PLA2G4F: variants seen among roughly 807,000 people sequenced by gnomAD.
The protein encoded by PLA2G4F is phospholipase A2 group IVF, also known as cytosolic phospholipase A2 zeta.
Under a neutral mutation model 103.1 loss-of-function variants are expected in PLA2G4F, and 105 were observed. That is an observed-to-expected ratio of 1.02 (90% confidence interval 0.87 to 1.20). The LOEUF is 1.20. Ranked by LOEUF, PLA2G4F falls within the 50% of genes most tolerant of loss-of-function variation. The pLI is 0.00. For missense variants in PLA2G4F, 1,155 were observed against 1,075.9 expected, an observed-to-expected ratio of 1.07 and a Z score of -1.03; for synonymous variants, 468 against 441.1, an observed-to-expected ratio of 1.06 and a Z score of -0.76.
chr15:42,148,939 G>A, intron 11 of PLA2G4F: 5 of 985,400 alleles, frequency 5.1e-6, no homozygotes, highest in Non-Finnish European at 6.0e-6. Flanking sequence ...TTGCCCCAAT[G>A]AACGATCTAG....
At chr15:42,146,346 G>C in intron 13 of PLA2G4F, 105 bp from the exon 14 acceptor site, 3 of 1,117,380 alleles carry the variant, frequency 2.7e-6, no homozygotes, top group South Asian at 1.3e-5. Flanking sequence ...CCACAAGAGA[G>C]GCTTTGGGTC....
intron 2 of PLA2G4F, among the ~76,000 whole-genome samples, chr15:42,155,309 C>G (rs891620257): frequency 6.6e-6 from 1 of 151,844 alleles, no homozygotes; most frequent in Non-Finnish European, 1.5e-5. Flanking sequence ...CTCACACACA[C>G]GTATACACAT....
intron 11 of PLA2G4F, 126 bp downstream of exon 11, chr15:42,149,587 G>T (rs558164259): frequency 6.8e-7 from 1 of 1,463,920 alleles, no homozygotes; most frequent in Non-Finnish European, 9.0e-7. Context: ...TCTGCCGATG[G>T]TGCCCACAGC....
At position 42,142,666 on chromosome 15, in the gene PLA2G4F, G is replaced by A. The variant is rs1460574093; in HGVS notation, c.2191C>T (p.Pro731Ser). Reference sequence around the variant, plus strand: ...TCCTCAGGGCCCACCTCGATGCTAGGGAAGGGGATTCCTCGGTCCAGGCAG... The same window carrying A: ...TCCTCAGGGCCCACCTCGATGCTAGAGAAGGGGATTCCTCGGTCCAGGCAG... ...KYCLDRGIPF[P>S]SIEVGPEDME... The change falls in exon 19 of 20, where the codon CCT becomes TCT. Residue 731 changes from proline to serine, a missense_variant. Physicochemically the swap from Pro to Ser is moderately conservative, Grantham distance 74. Around this residue, in one of 3 missense-constraint regions of PLA2G4F, gnomAD observed 782 missense variants for 692.9 expected, o/e 1.13. Transcript: ENST00000397272. 2 of 1,614,010 alleles carry A rather than the reference G, an allele frequency of 1.2e-6. No homozygotes were observed. Among genetic ancestry groups the A allele is most frequent in the African/African-American group, 2.7e-5 (2 of 74,904 alleles).
At chr15:42,149,185 A>G (rs1389208559) in intron 11 of PLA2G4F, 2 of 981,828 alleles carry the variant, frequency 2.0e-6, no homozygotes, top group Non-Finnish European at 2.4e-6. Context: ...CCTGTGTTGA[A>G]GCCCTAACCC....
At chr15:42,156,353 C>T (rs1314055420) in intron 1 of PLA2G4F, 86 bp downstream of exon 1, 1 of 1,111,026 alleles carries the variant, frequency 9.0e-7, no homozygotes, top group East Asian at 2.8e-5. Context: ...AAACCCAGGG[C>T]TGGGGCTGGT....
rs2048823711 is a variant in PLA2G4F at position 42,141,125 on chromosome 15, G to A, written c.*859C>T. On this transcript the variant is annotated 3_prime_UTR_variant, in exon 20 of 20. Coordinates refer to ENST00000397272, the MANE Select transcript of PLA2G4F (RefSeq NM_213600.4). The stretch of plus-strand genomic sequence containing the variant: ...TGGAGTAACCCACCTCCAGGAACTT[G>A]CACACCCTCCTGCCCCACATACAGG... 4.9e-6 allele frequency: 2 copies of A among 410,614 alleles called. No homozygotes were observed. Among genetic ancestry groups the A allele is most frequent in the Admixed American group, 2.5e-5 (1 of 39,822 alleles). 25.4% of individuals were successfully genotyped at this position (410,614 alleles called of 1,614,324 possible). A position where few individuals can be genotyped will look rare whatever the true frequency, so the allele number is the denominator to read the frequency against.
chr15:42,143,847 C>T (rs753446661), intron 18 of PLA2G4F, 131 bp downstream of exon 18: 55 of 1,224,106 alleles, frequency 4.5e-5, no homozygotes, highest in Non-Finnish European at 5.3e-5. Flanking sequence ...GAACCCAGGC[C>T]GTCCACAAAG....
At position 42,141,615 on chromosome 15, in the gene PLA2G4F, C is replaced by T. The variant is rs764023975; in HGVS notation, c.*369G>A. The stretch of plus-strand genomic sequence containing the variant: ...ACAGCTGGCTTCTCAGTGCCCTCAG[C>T]CCCTGTTCTGTGTGGGTCTGAGGAC... On this transcript the variant is annotated 3_prime_UTR_variant, in exon 20 of 20. Coordinates refer to ENST00000397272, the MANE Select transcript of PLA2G4F (RefSeq NM_213600.4). 4.2e-6 allele frequency: 2 copies of T among 476,346 alleles called. No individual in the cohort carries two copies. Among genetic ancestry groups the T allele is most frequent in the African/African-American group, 3.9e-5 (2 of 50,844 alleles). The allele number at this position is 476,346 out of a possible 1,614,324, so 29.5% of individuals were successfully genotyped here.
intron 1 of PLA2G4F, 36 bp downstream of exon 1, chr15:42,156,403 C>A (rs2049015589): frequency 1.8e-5 from 28 of 1,524,358 alleles, no homozygotes; most frequent in Middle Eastern, 3.4e-4. Flanking sequence ...AGGACTCCCC[C>A]AGTCCGGGTT....
intron 11 of PLA2G4F, chr15:42,149,079 C>T (rs1467976431): frequency 2.0e-5 from 20 of 985,280 alleles, no homozygotes; most frequent in Admixed American, 6.1e-5. Flanking sequence ...CTCCTGGCCA[C>T]AGGCTGGCTG....
chr15:42,155,065 GAC>G (rs111274798), intron 2 of PLA2G4F, among the ~76,000 whole-genome samples: 5,264 of 151,794 alleles, frequency 0.035, 156 homozygotes, highest in African/African-American at 0.077. Flanking sequence ...CATGTATACA[GAC>G]ACACATACAC....
Position 42,140,484 on chromosome 15 carries a change from C to G in PLA2G4F, c.*1500G>C, listed in dbSNP as rs1264777715. On this transcript the variant is annotated 3_prime_UTR_variant, in exon 20 of 20. Transcript: ENST00000397272. ...CCAGATAAACCTCTCACTGCTGAAC[C>G]AAGGGGAGGGGCCGTGGCCTGTGAC... 2 of 152,326 alleles carry G rather than the reference C, an allele frequency of 1.3e-5. No homozygotes were observed. The highest frequency in any genetic ancestry group is 2.9e-5 in the Non-Finnish European group (2 of 68,160). 9.4% of individuals were successfully genotyped at this position (152,326 alleles called of 1,614,324 possible).
In PLA2G4F at chr15:42,153,400, CA is replaced by C. The variant is rs1228773408; in HGVS notation, c.492-59del. 8 of 1,581,680 alleles carry C rather than the reference CA, an allele frequency of 5.1e-6. No individual in the cohort carries two copies. The African/African-American group carries it at 1.1e-4, about 21-fold the overall frequency. On this transcript the variant is annotated intron_variant, in intron 5 of 19. Coordinates refer to ENST00000397272, the MANE Select transcript of PLA2G4F (RefSeq NM_213600.4). Reference sequence around the variant, plus strand: ...TCTGGCCCCATCATGATGGCCTCTACAATCATAATGTGACTGAAGCAGCGGG... The same window carrying C: ...TCTGGCCCCATCATGATGGCCTCTACATCATAATGTGACTGAAGCAGCGGG...
At chr15:42,142,423 G>GC in intron 19 of PLA2G4F, 105 bp downstream of exon 19, 1 of 1,372,328 alleles carries the variant, frequency 7.3e-7, no homozygotes, top group Admixed American at 2.5e-5. Context: ...AGGCCCACCA[G>GC]GAGGCGTGCT....
chr15:42,154,658 C>G, intron 2 of PLA2G4F, 200 bp from the exon 3 acceptor site: 1 of 535,598 alleles, frequency 1.9e-6, no homozygotes, highest in Admixed American at 3.7e-5. Context: ...TTCACCTGAA[C>G]AGAAATCCTG....
At chr15:42,144,772 C>T (rs917615912) in intron 16 of PLA2G4F, 128 bp from the exon 17 acceptor site, 15 of 977,758 alleles carry the variant, frequency 1.5e-5, no homozygotes, top group Middle Eastern at 2.8e-4. Context: ...TCCCTGACCC[C>T]ACCTCCCAAG....
At position 42,141,916 on chromosome 15, in the gene PLA2G4F, C is replaced by G. The variant is rs1166870103; in HGVS notation, c.*68G>C. On this transcript the variant is annotated 3_prime_UTR_variant, in exon 20 of 20. Transcript: ENST00000397272. ...CCTGCACAGAGTCCCCATCGCTCCT[C>G]CCTCTACAAGCCCTGACCATGAGCA... 7 of 1,469,584 alleles carry G rather than the reference C, an allele frequency of 4.8e-6. No homozygotes were observed. The highest frequency in any genetic ancestry group is 5.6e-6 in the Non-Finnish European group (6 of 1,067,608). 91.0% of individuals were successfully genotyped at this position (1,469,584 alleles called of 1,614,324 possible).
rs1237281111 is a variant in PLA2G4F at position 42,140,982 on chromosome 15, C to T, written c.*1002G>A. On this transcript the variant is annotated 3_prime_UTR_variant, in exon 20 of 20. Coordinates refer to ENST00000397272, the MANE Select transcript of PLA2G4F (RefSeq NM_213600.4). Reference sequence around the variant, plus strand: ...TTCTAGGTATTTGGAGAGTCCCTGGCGGGTCAGGGGAAATGGAGAAGAGGG... The same window carrying T: ...TTCTAGGTATTTGGAGAGTCCCTGGTGGGTCAGGGGAAATGGAGAAGAGGG... The T allele has an allele frequency of 4.8e-5, 16 of 336,668 alleles. No individual in the cohort carries two copies. The East Asian group carries it at 6.8e-4, about 14-fold the overall frequency. The allele number at this position is 336,668 out of a possible 1,614,324, so 20.9% of individuals were successfully genotyped here. A position where few individuals can be genotyped will look rare whatever the true frequency, so the allele number is the denominator to read the frequency against.
Sources: gnomAD v4.1 joint callset for allele counts (sites outside exome capture counted in the v4.1 genomes callset) on GRCh38, gnomAD v4.1.1 for gene constraint, gnomAD v4.1.1 regional missense constraint, MANE v1.5 for transcripts, NCBI Gene and HGNC (gene_info 2026-07-23, HGNC 2026-07-21) for gene names.